The following PALLD variants were observed in gnomAD, a reference collection of about 807,000 sequenced individuals.
PALLD encodes palladin.
In PALLD, 61 loss-of-function variants were observed where a neutral mutation model predicts 123.5. The observed-to-expected ratio is 0.49, with a 90% CI of 0.40 to 0.61. The LOEUF (loss-of-function observed/expected upper bound fraction) is 0.61. Among genes scored for constraint, PALLD ranks in the 20% least tolerant of loss-of-function variants. PALLD has a pLI of 0.00. For missense variants in PALLD, 1,273 were observed against 1,377.0 expected (o/e 0.92, Z 1.20); for synonymous variants, 465 against 496.4 (o/e 0.94, Z 0.84).
chr4:168,646,485 T>C (rs1301796967), intron 2 of PALLD, among the ~76,000 whole-genome samples: 2 of 152,172 alleles, frequency 1.3e-5, no homozygotes, highest in Non-Finnish European at 2.9e-5. Flanking sequence ...CAGTCTCTAC[T>C]TACAACTTTA....
chr4:168,599,976 T>C (rs1033885459), intron 2 of PALLD, among the ~76,000 whole-genome samples: 5 of 150,458 alleles, frequency 3.3e-5, no homozygotes, highest in African/African-American at 9.7e-5. Flanking sequence ...TACACACACA[T>C]ATATACATAC....
At chr4:168,859,223 A>G (rs1457427132) in intron 10 of PALLD, among the ~76,000 whole-genome samples, 1 of 152,092 alleles carries the variant, frequency 6.6e-6, no homozygotes, top group Non-Finnish European at 1.5e-5. Flanking sequence ...TTTACCCTAA[A>G]TCTTTGGAGG....
At chr4:168,805,057 C>A (rs1461837868) in intron 10 of PALLD, among the ~76,000 whole-genome samples, 1 of 151,796 alleles carries the variant, frequency 6.6e-6, no homozygotes, top group Non-Finnish European at 1.5e-5. Context: ...ACTCAGGAGG[C>A]CGAGACAGGA....
chr4:168,528,672 A>G (rs918686878), intron 2 of PALLD, among the ~76,000 whole-genome samples: 9 of 152,230 alleles, frequency 5.9e-5, no homozygotes, highest in African/African-American at 2.2e-4. Flanking sequence ...TATTAACACC[A>G]AAAGTTGGCT....
chr4:168,900,433 A>G (rs1756253215), intron 14 of PALLD, among the ~76,000 whole-genome samples: 1 of 152,198 alleles, frequency 6.6e-6, no homozygotes, highest in African/African-American at 2.4e-5. Flanking sequence ...AAAGAACAAG[A>G]TAGTACCAAA....
chr4:168,506,501 G>C (rs998405733), intron 1 of PALLD, among the ~76,000 whole-genome samples: 22 of 152,022 alleles, frequency 1.4e-4, no homozygotes, highest in African/African-American at 5.1e-4. Flanking sequence ...TACTCCGTTT[G>C]TCCTATAATA....
At chr4:168,676,842 G>A (rs1245452749) in intron 3 of PALLD, among the ~76,000 whole-genome samples, 1 of 151,870 alleles carries the variant, frequency 6.6e-6, no homozygotes. Flanking sequence ...GCCTCCCAAA[G>A]TGCTGGGATT....
chr4:168,571,216 T>C (rs1292492647), intron 2 of PALLD, among the ~76,000 whole-genome samples: 4 of 152,212 alleles, frequency 2.6e-5, no homozygotes, highest in Admixed American at 2.6e-4. Flanking sequence ...CTTTTCCTTC[T>C]GCTTCATTTA....
chr4:168,722,639 C>T (rs1449797304), intron 10 of PALLD, among the ~76,000 whole-genome samples: 1 of 152,158 alleles, frequency 6.6e-6, no homozygotes, highest in Admixed American at 6.5e-5. Context: ...GTGTATATTT[C>T]CTGGCAATCA....
chr4:168,847,793 T>C (rs1747097321), intron 10 of PALLD, among the ~76,000 whole-genome samples: 1 of 152,164 alleles, frequency 6.6e-6, no homozygotes, highest in South Asian at 2.1e-4. Flanking sequence ...CAAGCACTTA[T>C]CCTTTGTATT....
intron 6 of PALLD, among the ~76,000 whole-genome samples, chr4:168,688,135 G>A (rs921962673): frequency 2.0e-5 from 3 of 152,158 alleles, no homozygotes; most frequent in Non-Finnish European, 4.4e-5. Context: ...GGAGGGGTAG[G>A]TTTAGAAAAT....
intron 2 of PALLD, among the ~76,000 whole-genome samples, chr4:168,554,796 A>G (rs1320306560): frequency 6.6e-6 from 1 of 152,190 alleles, no homozygotes; most frequent in Non-Finnish European, 1.5e-5. Context: ...CAAAATAAAT[A>G]ATCAGCTTTC....
intron 3 of PALLD, among the ~76,000 whole-genome samples, chr4:168,669,684 T>G (rs1779988740): frequency 6.6e-6 from 1 of 152,154 alleles, no homozygotes; most frequent in South Asian, 2.1e-4. Context: ...GAAAGGATCC[T>G]CCACATTACC....
At chr4:168,901,720 T>C (rs1756560946) in intron 14 of PALLD, among the ~76,000 whole-genome samples, 1 of 152,102 alleles carries the variant, frequency 6.6e-6, no homozygotes. Context: ...TAGCTGAGCA[T>C]GGAGGCGCAC....
chr4:168,596,586 T>A (rs966316210), intron 2 of PALLD, among the ~76,000 whole-genome samples: 3 of 152,022 alleles, frequency 2.0e-5, no homozygotes, highest in African/African-American at 7.2e-5. Flanking sequence ...CAGAGGCCCT[T>A]CCCATGGAGG....
In PALLD at chr4:168,672,980, T is replaced by C. The variant is rs1580877958; in HGVS notation, c.1087+4612T>C. ...CTGCCCTCTACCCTACAGCATAAAA[T>C]CCAAATAAACTCATCATCACTGGGG... On this transcript the variant is annotated intron_variant, in intron 3 of 21. Transcript: ENST00000505667. 2.6e-5 allele frequency among the ~76,000 whole-genome samples: 4 copies of C among 152,052 alleles called. No individual in the cohort carries two copies. In the South Asian group the frequency reaches 6.2e-4, roughly 24 times the overall value.
chr4:168,510,543 G>T (rs1762436931), intron 1 of PALLD, among the ~76,000 whole-genome samples: 1 of 152,104 alleles, frequency 6.6e-6, no homozygotes, highest in African/African-American at 2.4e-5. Context: ...TGGATGAAGG[G>T]TCAGCAAATT....
Position 168,690,651 on chromosome 4 carries a change from T to C in PALLD, c.1384T>C (p.Cys462Arg). The change falls in exon 7 of 22, where the codon TGC becomes CGC. Residue 462 changes from cysteine to arginine, a missense_variant. Physicochemically the swap from Cys to Arg is radical, Grantham distance 180 (BLOSUM62 -3). This residue lies in a region of PALLD where 944 missense variants were observed against 954.5 expected (regional missense o/e 0.99). Transcript: ENST00000505667. ...VAEGQVVVLE[C>R]RVRGAPPLQV... ...GGAAGGCCAGGTGGTGGTTCTGGAG[T>C]GCCGGGTCCGTGGGGCACCCCCTCT... 3.7e-6 allele frequency: 6 copies of C among 1,614,028 alleles called. No individual in the cohort carries two copies. The highest frequency in any genetic ancestry group is 5.1e-6 in the Non-Finnish European group (6 of 1,179,998).
intron 2 of PALLD, among the ~76,000 whole-genome samples, chr4:168,525,625 G>A (rs967054476): frequency 6.6e-6 from 1 of 152,164 alleles, no homozygotes; most frequent in Non-Finnish European, 1.5e-5. Flanking sequence ...GAGGGGATTG[G>A]CACATATGTT....
Sources: gnomAD v4.1 joint callset for allele counts (sites outside exome capture counted in the v4.1 genomes callset) on GRCh38, gnomAD v4.1.1 for gene constraint, gnomAD v4.1.1 regional missense constraint, MANE v1.5 for transcripts, NCBI Gene and HGNC (gene_info 2026-07-23, HGNC 2026-07-21) for gene names.